Variants in WASHC4 observed in about 807,000 individuals in gnomAD.
WASHC4 encodes the protein WASH complex subunit 4, also known as WASH complex subunit 7.
A neutral mutation model predicts 166.6 loss-of-function variants in WASHC4; 86 were observed. That is an observed-to-expected ratio of 0.52 (90% CI 0.43 to 0.62). The LOEUF is 0.62. Among genes scored for constraint, WASHC4 ranks in the 20% least tolerant of loss-of-function variants. WASHC4 has a pLI of 0.00. For synonymous variants in WASHC4, 446 were observed against 451.6 expected, an observed-to-expected ratio of 0.99 and a Z score of 0.16; for missense variants, 1,262 against 1,382.4, an observed-to-expected ratio of 0.91 and a Z score of 1.38.
chr12:105,167,048 T>C lies in WASHC4; in HGVS notation c.*117T>C, dbSNP rs1566035069. 4.0e-6 allele frequency: 3 copies of C among 753,964 alleles called. No individual in the cohort carries two copies. Among genetic ancestry groups the C allele is most frequent in the East Asian group, 2.6e-5 (1 of 38,480 alleles). 46.7% of individuals were successfully genotyped at this position (753,964 alleles called of 1,614,324 possible). A position where few individuals can be genotyped will look rare whatever the true frequency, so the allele number is the denominator to read the frequency against. ...CTGGGTCACATCTCTGGAAAATAGATGTTACAGTTCTTAAAGGCAGTGCTT... is the reference window on the plus strand; with the variant it reads ...CTGGGTCACATCTCTGGAAAATAGACGTTACAGTTCTTAAAGGCAGTGCTT... On this transcript the variant is annotated 3_prime_UTR_variant, in exon 33 of 33. Coordinates refer to ENST00000332180, the MANE Select transcript of WASHC4 (RefSeq NM_015275.3).
chr12:105,135,498 A>G (rs569217776), intron 14 of WASHC4, among the ~76,000 whole-genome samples: 2 of 151,866 alleles, frequency 1.3e-5, no homozygotes, highest in Non-Finnish European at 2.9e-5. Context: ...TGCTTCTAAA[A>G]TATGTATCTT....
Position 105,107,795 on chromosome 12 carries a change from G to A in WASHC4, c.-6G>A, listed in dbSNP as rs569178722. The stretch of plus-strand genomic sequence containing the variant: ...TGGGGCTGTGTCTGTGGGAGGCGCC[G>A]GGGTGATGGCGGTGGAGACTCTGTC... On this transcript the variant is annotated 5_prime_UTR_variant, in exon 1 of 33. Coordinates refer to ENST00000332180, the MANE Select transcript of WASHC4 (RefSeq NM_015275.3). 1.7e-4 allele frequency: 270 copies of A among 1,549,918 alleles called. 2 individuals carry two copies. In the South Asian group the frequency reaches 2.8e-3, roughly 16 times the overall value.
intron 25 of WASHC4, among the ~76,000 whole-genome samples, chr12:105,150,309 C>G (rs1304946914): frequency 6.6e-6 from 1 of 152,140 alleles, no homozygotes; most frequent in Non-Finnish European, 1.5e-5. Flanking sequence ...ATTTTTCATT[C>G]TTACAAACAG....
In WASHC4 at chr12:105,108,748, T is replaced by TC. The variant is rs397751629; in HGVS notation, c.61+890dup. On this transcript the variant is annotated intron_variant, in intron 1 of 32. Transcript: ENST00000332180. Reference sequence around the variant, plus strand: ...AGCATGCTGTTTGTGATTTTTTTTTTCCCTCATAGTTTTCCCAAAAGGTGG... The same window carrying TC: ...AGCATGCTGTTTGTGATTTTTTTTTTCCCCTCATAGTTTTCCCAAAAGGTGG... 7.2e-5 allele frequency among the ~76,000 whole-genome samples: 11 copies of TC among 152,066 alleles called. No homozygotes were observed. The East Asian group carries it at 7.7e-4, about 11-fold the overall frequency.
At chr12:105,131,128 G>A (rs368368802) in intron 13 of WASHC4, among the ~76,000 whole-genome samples, 3 of 149,030 alleles carry the variant, frequency 2.0e-5, no homozygotes, top group African/African-American at 7.4e-5. Flanking sequence ...CTCCCAGGTT[G>A]GACTGCGGAC....
intron 31 of WASHC4, 105 bp downstream of exon 31, chr12:105,164,412 A>T: frequency 2.0e-6 from 2 of 1,011,098 alleles, no homozygotes; most frequent in Non-Finnish European, 3.1e-6. Flanking sequence ...CCATTTTCAC[A>T]AGTGAGATGA....
Position 105,107,736 on chromosome 12 carries a change from C to G in WASHC4, c.-65C>G. On this transcript the variant is annotated 5_prime_UTR_variant, in exon 1 of 33. Transcript: ENST00000332180. ...CGGAAGTCACGTGCTGTGACAGTAG[C>G]TGGGGTGAGGCCGTCGTCGCCGCAC... 8.2e-7 allele frequency: 1 copy of G among 1,215,590 alleles called. No individual in the cohort carries two copies. The highest frequency in any genetic ancestry group is 1.2e-6 in the Non-Finnish European group (1 of 848,396). The allele number at this position is 1,215,590 out of a possible 1,614,324, so 75.3% of individuals were successfully genotyped here. A position where few individuals can be genotyped will look rare whatever the true frequency, so the allele number is the denominator to read the frequency against.
intron 1 of WASHC4, among the ~76,000 whole-genome samples, chr12:105,109,119 A>G (rs562705312): frequency 5.5e-4 from 84 of 152,324 alleles, no homozygotes; most frequent in African/African-American, 1.9e-3. Flanking sequence ...CTGGGTGATA[A>G]TAAGGTATTA....
rs1294687246 is a variant in WASHC4 at position 105,167,900 on chromosome 12, T to A, written c.*969T>A. On this transcript the variant is annotated 3_prime_UTR_variant, in exon 33 of 33. Transcript: ENST00000332180. ...TAAAGCGCTAGCAAGATACATCACT[T>A]ACTGATTTTAAAAATACAGAAAGAT... 1 of 152,494 alleles carries A rather than the reference T, an allele frequency of 6.6e-6. No homozygotes were observed. The highest frequency in any genetic ancestry group is 2.4e-5 in the African/African-American group (1 of 41,450). 9.4% of individuals were successfully genotyped at this position (152,494 alleles called of 1,614,324 possible).
chr12:105,120,221 A>G (rs1259272647), intron 7 of WASHC4, among the ~76,000 whole-genome samples: 1 of 152,226 alleles, frequency 6.6e-6, no homozygotes, highest in African/African-American at 2.4e-5. Flanking sequence ...TTCCAAGATA[A>G]ATCATTTGGG....
chr12:105,136,591 G>A (rs1482288791), intron 14 of WASHC4, among the ~76,000 whole-genome samples: 1 of 152,054 alleles, frequency 6.6e-6, no homozygotes, highest in African/African-American at 2.4e-5. Context: ...CTGGAGTTCT[G>A]AACTTCAAGT....
At chr12:105,146,627 C>A in intron 23 of WASHC4, 101 bp downstream of exon 23, 4 of 712,848 alleles carry the variant, frequency 5.6e-6, no homozygotes, top group African/African-American at 1.8e-5. Context: ...TTAAATGAAA[C>A]AAAAAATAAT....
intron 13 of WASHC4, among the ~76,000 whole-genome samples, chr12:105,130,465 T>A (rs1416372426): frequency 6.6e-6 from 1 of 152,368 alleles, no homozygotes; most frequent in East Asian, 1.9e-4. Flanking sequence ...CTAAATTCTT[T>A]ACTACAGAGC....
At chr12:105,158,760 C>G (rs915680458) in intron 28 of WASHC4, among the ~76,000 whole-genome samples, 7 of 152,260 alleles carry the variant, frequency 4.6e-5, no homozygotes, top group African/African-American at 1.7e-4. Context: ...AAAATGTTTT[C>G]ATTCTTAATA....
At chr12:105,166,809 T>G (rs1459876436) in intron 32 of WASHC4, 55 bp from the exon 33 acceptor site, 3 of 1,244,706 alleles carry the variant, frequency 2.4e-6, no homozygotes, top group Non-Finnish European at 3.5e-6. Context: ...ACTTCTTAAT[T>G]TATTGTTTAA....
intron 6 of WASHC4, among the ~76,000 whole-genome samples, chr12:105,117,170 A>T (rs1880265963): frequency 6.6e-6 from 1 of 152,294 alleles, no homozygotes; most frequent in African/African-American, 2.4e-5. Flanking sequence ...TATGTATTTT[A>T]CATGCATAGC....
intron 26 of WASHC4, among the ~76,000 whole-genome samples, chr12:105,155,397 T>TC (rs1440781920): frequency 4.7e-5 from 7 of 150,430 alleles, no homozygotes; most frequent in African/African-American, 1.5e-4. Flanking sequence ...CCTGATTCGT[T>TC]CACATTTTTG....
chr12:105,140,260 T>A (rs1320296266), intron 15 of WASHC4, 34 bp from the exon 16 acceptor site: 9 of 1,508,484 alleles, frequency 6.0e-6, no homozygotes, highest in Non-Finnish European at 8.3e-6. Context: ...ATTTTTAAGT[T>A]GATTGTCAGA....
At chr12:105,120,920 C>G (rs776857345) in intron 8 of WASHC4, among the ~76,000 whole-genome samples, 181 bp from the exon 9 acceptor site, 13 of 152,164 alleles carry the variant, frequency 8.5e-5, no homozygotes, top group Non-Finnish European at 1.9e-4. Context: ...AAAGTATTCT[C>G]TATTTAAGAC....
Sources: gnomAD v4.1 joint callset for allele counts (sites outside exome capture counted in the v4.1 genomes callset) on GRCh38, gnomAD v4.1.1 for gene constraint, MANE v1.5 for transcripts, NCBI Gene and HGNC (gene_info 2026-07-23, HGNC 2026-07-21) for gene names.